ZNF470: variants seen among roughly 807,000 people sequenced by gnomAD.
ZNF470 encodes chondrogenesis zinc finger protein 1.
In ZNF470, 13 loss-of-function variants were observed where a neutral mutation model predicts 13.9. That is an observed-to-expected ratio of 0.94 (90% CI 0.61 to 1.49). ZNF470 has a LOEUF of 1.49. Ranked by LOEUF, ZNF470 falls within the 40% of genes most tolerant of loss-of-function variation. ZNF470 has a pLI of 0.00. For missense variants in ZNF470, 929 were observed against 857.3 expected, an observed-to-expected ratio of 1.08 and a Z score of -1.04; for synonymous variants, 293 against 282.9, an observed-to-expected ratio of 1.04 and a Z score of -0.36.
rs1387317445 is a variant in ZNF470 at position 56,579,142 on chromosome 19, C to T, written c.*559C>T. ...AGCCAATTAGAACAAAAGCTTTTAG[C>T]TGGGTGCGGTGGCTCATGCCTGTAG... On this transcript the variant is annotated 3_prime_UTR_variant, in exon 6 of 6. Coordinates refer to ENST00000330619, the MANE Select transcript of ZNF470 (RefSeq NM_001001668.4). The T allele has an allele frequency of 3.0e-6, 3 of 985,376 alleles. No homozygotes were observed. The highest frequency in any genetic ancestry group is 1.7e-5 in the African/African-American group (1 of 57,252). The allele number at this position is 985,376 out of a possible 1,614,324, so 61.0% of individuals were successfully genotyped here. A position where few individuals can be genotyped will look rare whatever the true frequency, so the allele number is the denominator to read the frequency against.
chr19:56,567,473 C>G lies in ZNF470; in HGVS notation c.-724C>G. On this transcript the variant is annotated 5_prime_UTR_variant, in exon 1 of 6. Transcript: ENST00000330619. Reference sequence around the variant, plus strand: ...TTGCAGCGGAGGACACGCCCACTTCCGGAAAGGACCCAAAGCCGGGCGAGT... The same window carrying G: ...TTGCAGCGGAGGACACGCCCACTTCGGGAAAGGACCCAAAGCCGGGCGAGT... 1 of 985,816 alleles carries G rather than the reference C, an allele frequency of 1.0e-6. No homozygotes were observed. The highest frequency in any genetic ancestry group is 1.2e-6 in the Non-Finnish European group (1 of 830,210). The allele number at this position is 985,816 out of a possible 1,614,324, so 61.1% of individuals were successfully genotyped here.
rs1386928390 is a variant in ZNF470, at chr19:56,578,170, G to T, written c.1741G>T (p.Val581Phe). 6.2e-7 allele frequency: 1 copy of T among 1,613,964 alleles called. No homozygotes were observed. The highest frequency in any genetic ancestry group is 8.5e-7 in the Non-Finnish European group (1 of 1,179,984). The change falls in exon 6 of 6, where the codon GTT (valine) becomes TTT (phenylalanine). Residue 581 changes from valine (V) to phenylalanine (F), a missense_variant. Physicochemically the swap from Val to Phe is conservative, Grantham distance 50. Transcript: ENST00000330619. ...GGCCTTTAGTGATGGCTCATATCTT[G>T]TTCAACATCAGAGACTCCACAGTGG... ...GKAFSDGSYL[V>F]QHQRLHSGKR...
Position 56,581,433 on chromosome 19 carries a change from A to G in ZNF470, c.*2850A>G, listed in dbSNP as rs572285053. The G allele has an allele frequency of 1.2e-4, 111 of 963,548 alleles. 2 individuals are homozygous for G. In the South Asian group the frequency reaches 4.7e-3, roughly 41 times the overall value. 59.7% of individuals were successfully genotyped at this position (963,548 alleles called of 1,614,324 possible). ...TTTGAATTAATATTCCTTGGAAACC[A>G]ACATATACAAAGGTAGATAAATGTA... On this transcript the variant is annotated 3_prime_UTR_variant, in exon 6 of 6. Transcript: ENST00000330619.
At position 56,579,651 on chromosome 19, in the gene ZNF470, A is replaced by T; in HGVS notation, c.*1068A>T. 1 of 985,456 alleles carries T rather than the reference A, an allele frequency of 1.0e-6. No homozygotes were observed. The highest frequency in any genetic ancestry group is 1.2e-6 in the Non-Finnish European group (1 of 829,930). The allele number at this position is 985,456 out of a possible 1,614,324, so 61.0% of individuals were successfully genotyped here. On this transcript the variant is annotated 3_prime_UTR_variant, in exon 6 of 6. Coordinates refer to ENST00000330619, the MANE Select transcript of ZNF470 (RefSeq NM_001001668.4). Reference sequence around the variant, plus strand: ...GCAATAAGACCTTCCATCTTGTTCCATGAGATTGACAAGACATGCCAAAAC... The same window carrying T: ...GCAATAAGACCTTCCATCTTGTTCCTTGAGATTGACAAGACATGCCAAAAC...
chr19:56,574,159 G>A, intron 3 of ZNF470: 1 of 680,276 alleles, frequency 1.5e-6, no homozygotes, highest in Non-Finnish European at 2.4e-6. Flanking sequence ...ACCTAGAATT[G>A]CAAATGTTTG....
At chr19:56,570,393 C>T (rs369942833) in intron 3 of ZNF470, 22 bp downstream of exon 3, 2 of 1,611,760 alleles carry the variant, frequency 1.2e-6, no homozygotes, top group Non-Finnish European at 1.7e-6. Flanking sequence ...TTCCCCCTCT[C>T]CCCACTAAAA....
intron 5 of ZNF470, among the ~76,000 whole-genome samples, chr19:56,575,182 A>G (rs1016265379): frequency 2.0e-5 from 3 of 151,154 alleles, no homozygotes; most frequent in Non-Finnish European, 3.0e-5. Context: ...TTTGTTGTTT[A>G]TTAGGTCTGT....
intron 2 of ZNF470, among the ~76,000 whole-genome samples, chr19:56,569,943 C>G (rs561770491): frequency 2.0e-5 from 3 of 152,022 alleles, no homozygotes; most frequent in Non-Finnish European, 4.4e-5. Flanking sequence ...GAGCTATGAT[C>G]ACGTCACTGT....
intron 4 of ZNF470, 54 bp from the exon 5 acceptor site, chr19:56,574,583 AT>A: frequency 6.2e-7 from 1 of 1,611,584 alleles, no homozygotes; most frequent in Non-Finnish European, 8.5e-7. Flanking sequence ...CATTATCAGA[AT>A]TTCCCATAGT....
chr19:56,570,276 C>T lies in ZNF470; in HGVS notation c.-32-4C>T, dbSNP rs117078524. 1,577 of 1,602,946 alleles carry T rather than the reference C, an allele frequency of 9.8e-4. 11 individuals are homozygous for T. Among genetic ancestry groups the T allele is most frequent in the South Asian group, 9.1e-3 (825 of 90,696 alleles). On this transcript the variant is annotated splice_region_variant and splice_polypyrimidine_tract_variant and intron_variant, in intron 2 of 5. Coordinates refer to ENST00000330619, the MANE Select transcript of ZNF470 (RefSeq NM_001001668.4). Reference sequence around the variant, plus strand: ...GGTTTCTCACTACTTCTTTTTCTCCCCAGCTCTACAATCCCAGAGTAAAGC... The same window carrying T: ...GGTTTCTCACTACTTCTTTTTCTCCTCAGCTCTACAATCCCAGAGTAAAGC...
rs949690996 is a variant in ZNF470, at chr19:56,569,779, A to G, written c.-32-501A>G. 3.3e-5 allele frequency among the ~76,000 whole-genome samples: 5 copies of G among 152,160 alleles called. No homozygotes were observed. In the South Asian group the frequency reaches 1.0e-3, roughly 32 times the overall value. On this transcript the variant is annotated intron_variant, in intron 2 of 5. Coordinates refer to ENST00000330619, the MANE Select transcript of ZNF470 (RefSeq NM_001001668.4). Reference sequence around the variant, plus strand: ...AGGAGGTTGACACCTCCTGGCCTCAAGCAATATAGTGAGCAATTGGGCAAT... The same window carrying G: ...AGGAGGTTGACACCTCCTGGCCTCAGGCAATATAGTGAGCAATTGGGCAAT...
intron 3 of ZNF470, among the ~76,000 whole-genome samples, chr19:56,573,102 A>T (rs756396268): frequency 6.6e-6 from 1 of 152,250 alleles, no homozygotes; most frequent in Non-Finnish European, 1.5e-5. Flanking sequence ...TGTCTAAACT[A>T]TTGTAGCATA....
chr19:56,577,581 A>C lies in ZNF470; in HGVS notation c.1152A>C (p.Ile384=). ...GKAFRQNASL[I]RHRRYYHTGE... is the part of the protein sequence containing the mutation. ...CTTTCAGGCAGAATGCTTCTCTTAT[A>C]CGTCATCGGCGATATTATCATACTG... Residue 384 remains isoleucine, a synonymous_variant, in exon 6 of 6, where the codon ATA becomes ATC. Coordinates refer to ENST00000330619, the MANE Select transcript of ZNF470 (RefSeq NM_001001668.4). 1 of 1,613,864 alleles carries C rather than the reference A, an allele frequency of 6.2e-7. No individual in the cohort carries two copies. The highest frequency in any genetic ancestry group is 8.5e-7 in the Non-Finnish European group (1 of 1,179,942).
Position 56,574,379 on chromosome 19 carries a change from T to C in ZNF470, c.61-15T>C, listed in dbSNP as rs149466481. The C allele has an allele frequency of 1.9e-4, 305 of 1,613,454 alleles. 1 individual carries two copies. The African/African-American group carries it at 2.7e-3, about 14-fold the overall frequency. On this transcript the variant is annotated splice_polypyrimidine_tract_variant and intron_variant, in intron 3 of 5. Transcript: ENST00000330619. ...TGAACACTGAGTGAGCAAGATCATATTTGTGTCATTTTAGGGTTCAGTGAC... is the reference window on the plus strand; with the variant it reads ...TGAACACTGAGTGAGCAAGATCATACTTGTGTCATTTTAGGGTTCAGTGAC...
chr19:56,578,351 G>A lies in ZNF470; in HGVS notation c.1922G>A (p.Arg641Lys), dbSNP rs769798324. Residue 641 changes from arginine (R) to lysine (K), a missense_variant, in exon 6 of 6, where the codon AGA becomes AAA. Coordinates refer to ENST00000330619, the MANE Select transcript of ZNF470 (RefSeq NM_001001668.4). ...SHRKSLTLHQ[R>K]IHTGEKPYEC... is the part of the protein sequence containing the mutation. ...CGTAAATCCCTTACTCTGCATCAGA[G>A]AATTCATACAGGAGAGAAACCTTAT... 6.2e-6 allele frequency: 10 copies of A among 1,612,258 alleles called. No homozygotes were observed. Among genetic ancestry groups the A allele is most frequent in the Non-Finnish European group, 8.5e-6 (10 of 1,179,126 alleles).
rs149624091 is a variant in ZNF470 at position 56,581,102 on chromosome 19, A to G, written c.*2519A>G. The G allele has an allele frequency of 6.2e-6, 6 of 971,626 alleles. No homozygotes were observed. The East Asian group carries it at 6.9e-4, about 111-fold the overall frequency. The allele number at this position is 971,626 out of a possible 1,614,324, so 60.2% of individuals were successfully genotyped here. A position where few individuals can be genotyped will look rare whatever the true frequency, so the allele number is the denominator to read the frequency against. ...TAGTCAATAGATAAATGAGAGACTG[A>G]CACAAAGTGTTTGCAACAGATATAA... On this transcript the variant is annotated 3_prime_UTR_variant, in exon 6 of 6. Transcript: ENST00000330619.
At chr19:56,569,177 A>G (rs1477781205) in intron 2 of ZNF470, among the ~76,000 whole-genome samples, 1 of 152,226 alleles carries the variant, frequency 6.6e-6, no homozygotes, top group Non-Finnish European at 1.5e-5. Flanking sequence ...TGGAATTTAG[A>G]TGAAAGAAAC....
intron 5 of ZNF470, 103 bp from the exon 6 acceptor site, chr19:56,576,610 G>C: frequency 1.1e-6 from 1 of 943,532 alleles, no homozygotes; most frequent in Non-Finnish European, 1.5e-6. Flanking sequence ...ATGTACCTCT[G>C]CTTGTGGGTT....
chr19:56,578,078 C>T lies in ZNF470; in HGVS notation c.1649C>T (p.Ala550Val), dbSNP rs1209152973. ...TGTGGTAAGGCCTTCAGTCAGATTG[C>T]ACACCTTGTTCAGCACCAGAGAGTT... Reference protein sequence around the residue: ...KECGKAFSQIAHLVQHQRVHT... With the variant: ...KECGKAFSQIVHLVQHQRVHT... Residue 550 changes from alanine (A) to valine (V), a missense_variant, in exon 6 of 6, where the codon GCA becomes GTA. Ala to Val is a moderately conservative substitution (Grantham distance 64). Coordinates refer to ENST00000330619, the MANE Select transcript of ZNF470 (RefSeq NM_001001668.4). 2 of 1,613,792 alleles carry T rather than the reference C, an allele frequency of 1.2e-6. No homozygotes were observed. The highest frequency in any genetic ancestry group is 1.1e-5 in the South Asian group (1 of 91,082).
Sources: gnomAD v4.1 joint callset for allele counts (sites outside exome capture counted in the v4.1 genomes callset) on GRCh38, gnomAD v4.1.1 for gene constraint, MANE v1.5 for transcripts, NCBI Gene and HGNC (gene_info 2026-07-23, HGNC 2026-07-21) for gene names.